Variants in STAB1 observed in about 807,000 individuals in gnomAD.
STAB1 encodes the protein stabilin-1.
Under a neutral mutation model 332.4 loss-of-function variants are expected in STAB1, and 250 were observed. That is an observed-to-expected ratio of 0.75 (90% CI 0.68 to 0.84). STAB1 has a LOEUF of 0.84. STAB1 is among the 40% of genes least tolerant of loss of function. The pLI, the probability that STAB1 is intolerant of heterozygous loss-of-function variation, is 0.00. For missense variants in STAB1, 3,249 were observed against 3,489.7 expected (o/e 0.93, Z 1.74); for synonymous variants, 1,475 against 1,390.4 (o/e 1.06, Z -1.35).
chr3:52,517,302 C>T lies in STAB1; in HGVS notation c.4490-18C>T. 1 of 1,549,060 alleles carries T rather than the reference C, an allele frequency of 6.5e-7. No homozygotes were observed. Among genetic ancestry groups the T allele is most frequent in the Non-Finnish European group, 8.7e-7 (1 of 1,152,142 alleles). On this transcript the variant is annotated intron_variant, in intron 42 of 68. Transcript: ENST00000321725. ...GGGCCACTAAGGGCCACCCCCATCCCAGTGTCTCTTCCCCCAGAAATTAAC... is the reference window on the plus strand; with the variant it reads ...GGGCCACTAAGGGCCACCCCCATCCTAGTGTCTCTTCCCCCAGAAATTAAC...
In STAB1 at chr3:52,522,482, C is replaced by T. The variant is rs1388062160; in HGVS notation, c.6610+8C>T. On this transcript the variant is annotated splice_region_variant and intron_variant, in intron 60 of 68. Transcript: ENST00000321725. ...CTGACCTGCACTTCCAGGGTGTGTC[C>T]CCCTGCCCACTCCCAGTACCCATTT... 6.2e-7 allele frequency: 1 copy of T among 1,613,120 alleles called. No individual in the cohort carries two copies. The highest frequency in any genetic ancestry group is 2.2e-5 in the East Asian group (1 of 44,876).
At chr3:52,502,337 C>T in intron 5 of STAB1, 109 bp downstream of exon 5, 1 of 1,257,186 alleles carries the variant, frequency 8.0e-7, no homozygotes, top group South Asian at 1.3e-5. Flanking sequence ...TGTCCCAGCC[C>T]CTCAGATTTG....
At chr3:52,501,587 G>A (rs1174736613) in intron 2 of STAB1, 51 bp from the exon 3 acceptor site, 2 of 1,492,690 alleles carry the variant, frequency 1.3e-6, no homozygotes, top group Non-Finnish European at 9.1e-7. Flanking sequence ...GGCTGGGTGG[G>A]GGCTGTGCAA....
chr3:52,517,357 C>T lies in STAB1; in HGVS notation c.4527C>T (p.His1509=), dbSNP rs1349102407. 6.2e-7 allele frequency: 1 copy of T among 1,604,830 alleles called. No homozygotes were observed. The highest frequency in any genetic ancestry group is 8.5e-7 in the Non-Finnish European group (1 of 1,176,180). Residue 1509 remains histidine, a synonymous_variant, in exon 43 of 69, where the codon CAC becomes CAT. Coordinates refer to ENST00000321725, the MANE Select transcript of STAB1 (RefSeq NM_015136.3). ...NSCLIHHGGC[H]IHAECIPTGP... ...GTCTCATCCACCACGGGGGCTGCCA[C>T]ATTCACGCCGAGTGCATCCCCACTG... is the stretch of plus-strand genomic sequence containing the variant.
chr3:52,495,742 A>T (rs575364334), intron 1 of STAB1, among the ~76,000 whole-genome samples: 3 of 152,322 alleles, frequency 2.0e-5, no homozygotes, highest in African/African-American at 7.2e-5. Context: ...GGGGCTCCCC[A>T]GCGTGCAGCT....
At chr3:52,519,198 C>A (rs565537238) in intron 48 of STAB1, 66 bp from the exon 49 acceptor site, 15 of 1,565,074 alleles carry the variant, frequency 9.6e-6, no homozygotes, top group Non-Finnish European at 1.1e-5. Flanking sequence ...CAACCTCCAC[C>A]TCAGGCCCCG....
chr3:52,512,562 G>C (rs374998779), intron 27 of STAB1, 34 bp from the exon 28 acceptor site: 5 of 1,613,810 alleles, frequency 3.1e-6, no homozygotes, highest in Non-Finnish European at 3.4e-6. Context: ...ATTTGCCCCT[G>C]GTCCTGTGAC....
At position 52,509,903 on chromosome 3, in the gene STAB1, G is replaced by A. The variant is rs762301562; in HGVS notation, c.2381G>A (p.Arg794His). ...CGCVHGLCDNRPGSGGVCQQG... is the reference protein window; with the variant it reads ...CGCVHGLCDNHPGSGGVCQQG... ...TGTGTCCATGGTCTCTGCGACAACC[G>A]CCCAGGCAGTGGGGGGGTGTGCCAG... is the stretch of plus-strand genomic sequence containing the variant. Residue 794 changes from arginine (R) to histidine (H), a missense_variant, in exon 23 of 69, where the codon CGC (arginine) becomes CAC (histidine). Coordinates refer to ENST00000321725, the MANE Select transcript of STAB1 (RefSeq NM_015136.3). 3.2e-5 allele frequency: 52 copies of A among 1,612,870 alleles called. No individual in the cohort carries two copies. The highest frequency in any genetic ancestry group is 5.0e-5 in the Admixed American group (3 of 59,990).
chr3:52,517,420 G>T, intron 43 of STAB1, 27 bp downstream of exon 43: 1 of 1,584,866 alleles, frequency 6.3e-7, no homozygotes, highest in African/African-American at 1.3e-5. Context: ...TGGACATGGG[G>T]CATCATGCCA....
intron 17 of STAB1, 21 bp downstream of exon 17, chr3:52,506,271 G>A (rs1406921105): frequency 6.2e-7 from 1 of 1,600,412 alleles, no homozygotes; most frequent in East Asian, 2.2e-5. Context: ...CGGACACCTG[G>A]GCGGATGGTG....
intron 3 of STAB1, 51 bp from the exon 4 acceptor site, chr3:52,501,955 G>T: frequency 6.2e-7 from 1 of 1,604,300 alleles, no homozygotes. Flanking sequence ...GCTGGGGTCA[G>T]GGTAAGCGGA....
At chr3:52,506,058 A>G (rs1181347174) in intron 16 of STAB1, 112 bp from the exon 17 acceptor site, 1 of 1,516,870 alleles carries the variant, frequency 6.6e-7, no homozygotes, top group Admixed American at 1.9e-5. Context: ...GTTCTGCTAT[A>G]GCACAGAGCC....
intron 1 of STAB1, among the ~76,000 whole-genome samples, chr3:52,499,759 C>T (rs1167860270): frequency 2.6e-5 from 4 of 151,232 alleles, no homozygotes; most frequent in Non-Finnish European, 5.9e-5. Context: ...ATTAGCCGGG[C>T]GTAGTGGCGG....
chr3:52,506,364 A>G (rs542298134), intron 17 of STAB1, 114 bp downstream of exon 17: 3 of 980,832 alleles, frequency 3.1e-6, no homozygotes, highest in East Asian at 5.3e-5. Flanking sequence ...CTGCTAGGCC[A>G]TGGCGGGCTC....
intron 57 of STAB1, 32 bp downstream of exon 57, chr3:52,521,732 A>G (rs1313436310): frequency 6.2e-7 from 1 of 1,611,418 alleles, no homozygotes; most frequent in Non-Finnish European, 8.5e-7. Context: ...CCCACCCTAC[A>G]CACTTGTGTA....
intron 18 of STAB1, 80 bp from the exon 19 acceptor site, chr3:52,507,533 T>G (rs960496255): frequency 6.9e-7 from 1 of 1,441,764 alleles, no homozygotes; most frequent in Non-Finnish European, 9.5e-7. Flanking sequence ...TAATCCCCAC[T>G]CAATGTTCCC....
chr3:52,512,290 C>A, intron 26 of STAB1, 51 bp from the exon 27 acceptor site: 1 of 1,558,006 alleles, frequency 6.4e-7, no homozygotes. Context: ...GAGGGAGGGG[C>A]CCAGCTGCCA....
intron 1 of STAB1, among the ~76,000 whole-genome samples, chr3:52,500,249 C>G (rs764628398): frequency 1.3e-5 from 2 of 152,218 alleles, no homozygotes; most frequent in African/African-American, 4.8e-5. Flanking sequence ...CTTCTGCTGT[C>G]CCCTAGGCCA....
intron 35 of STAB1, 33 bp downstream of exon 35, chr3:52,514,862 G>A (rs767193472): frequency 8.7e-6 from 14 of 1,612,690 alleles, no homozygotes; most frequent in South Asian, 4.4e-5. Flanking sequence ...AGGCCGGCAC[G>A]GGAGTTCAGA....
Sources: allele counts gnomAD v4.1 joint callset (sites outside exome capture counted in the v4.1 genomes callset), GRCh38; gene constraint gnomAD v4.1.1; transcripts MANE v1.5; gene names NCBI Gene and HGNC (gene_info 2026-07-23, HGNC 2026-07-21).